Variants in SLC35F3 observed in about 807,000 individuals in gnomAD.
SLC35F3 encodes the protein putative thiamine transporter SLC35F3.
A neutral mutation model predicts 49.9 loss-of-function variants in SLC35F3; 25 were observed. That is an observed-to-expected ratio of 0.50 (90% CI 0.37 to 0.70). The LOEUF is 0.70. Among genes scored for constraint, SLC35F3 ranks in the 30% least tolerant of loss-of-function variants. The pLI is 0.00. For missense variants in SLC35F3, 525 were observed against 639.8 expected (o/e 0.82, Z 1.94); for synonymous variants, 275 against 265.4 (o/e 1.04, Z -0.35).
chr1:233,954,904 T>G (rs7414168), intron 2 of SLC35F3, among the ~76,000 whole-genome samples: 1 of 152,056 alleles, frequency 6.6e-6, no homozygotes, highest in Non-Finnish European at 1.5e-5. Flanking sequence ...AGTGCAATGG[T>G]GCGATCTTGG....
At position 234,012,838 on chromosome 1, in the gene SLC35F3, G is replaced by A. The variant is rs1433525369; in HGVS notation, c.283+107080G>A. Among the ~76,000 whole-genome samples the A allele has an allele frequency of 5.3e-5, 8 of 152,180 alleles. No individual in the cohort carries two copies. In the East Asian group the frequency reaches 1.5e-3, roughly 29 times the overall value. On this transcript the variant is annotated intron_variant, in intron 2 of 7. Coordinates refer to ENST00000366618, the MANE Select transcript of SLC35F3 (RefSeq NM_173508.4). The stretch of plus-strand genomic sequence containing the variant: ...CCCTACAAGCACCTAAATATACAAA[G>A]CAAATATTAAAGGATCTGAAGGAAG...
chr1:234,084,210 A>T (rs1325715776), intron 2 of SLC35F3, among the ~76,000 whole-genome samples: 1 of 136,526 alleles, frequency 7.3e-6, no homozygotes, highest in Non-Finnish European at 1.5e-5. Flanking sequence ...ACTGTTGGTG[A>T]TAAGGAATAG....
chr1:234,093,529 T>C (rs1665074932), intron 2 of SLC35F3, among the ~76,000 whole-genome samples: 1 of 152,206 alleles, frequency 6.6e-6, no homozygotes, highest in Non-Finnish European at 1.5e-5. Context: ...TTTCTTCCTA[T>C]AGGTTTTCTC....
chr1:234,227,120 T>A (rs967315010), intron 2 of SLC35F3, among the ~76,000 whole-genome samples: 1 of 152,166 alleles, frequency 6.6e-6, no homozygotes, highest in Non-Finnish European at 1.5e-5. Flanking sequence ...AATCCACAAT[T>A]ACAGCGTCTG....
At chr1:233,982,110 A>G (rs1412197445) in intron 2 of SLC35F3, among the ~76,000 whole-genome samples, 1 of 152,132 alleles carries the variant, frequency 6.6e-6, no homozygotes, top group Non-Finnish European at 1.5e-5. Context: ...TTTTTAGTAG[A>G]GATGGGGTTT....
intron 3 of SLC35F3, among the ~76,000 whole-genome samples, chr1:234,275,649 CAG>C (rs1285027000): frequency 1.3e-5 from 2 of 151,544 alleles, no homozygotes; most frequent in Non-Finnish European, 2.9e-5. Flanking sequence ...TATCCTGAAA[CAG>C]ACACACATCA....
In SLC35F3 at chr1:234,182,176, G is replaced by A. The variant is rs895982582; in HGVS notation, c.284-49241G>A. 2.0e-5 allele frequency among the ~76,000 whole-genome samples: 3 copies of A among 152,114 alleles called. No homozygotes were observed. In the East Asian group the frequency reaches 5.8e-4, roughly 29 times the overall value. On this transcript the variant is annotated intron_variant, in intron 2 of 7. Coordinates refer to ENST00000366618, the MANE Select transcript of SLC35F3 (RefSeq NM_173508.4). Reference sequence around the variant, plus strand: ...TCAGGGATTCATGCATGTTCTGTGTGTTCAAGTCCATTACAGTTATTATCC... The same window carrying A: ...TCAGGGATTCATGCATGTTCTGTGTATTCAAGTCCATTACAGTTATTATCC...
At chr1:234,082,982 A>T (rs1162331990) in intron 2 of SLC35F3, among the ~76,000 whole-genome samples, 1 of 152,156 alleles carries the variant, frequency 6.6e-6, no homozygotes, top group African/African-American at 2.4e-5. Flanking sequence ...TTGCTTCCTA[A>T]CTGTGAGCTA....
At chr1:234,186,386 G>A (rs1666643976) in intron 2 of SLC35F3, among the ~76,000 whole-genome samples, 1 of 152,232 alleles carries the variant, frequency 6.6e-6, no homozygotes, top group African/African-American at 2.4e-5. Context: ...AGATTCAGCG[G>A]AAGGACTGAT....
chr1:233,925,030 G>T (rs1407736116), intron 2 of SLC35F3, among the ~76,000 whole-genome samples: 5 of 152,160 alleles, frequency 3.3e-5, no homozygotes, highest in Non-Finnish European at 5.9e-5. Context: ...TTTTACATTT[G>T]CTGAGGAGTG....
At chr1:233,964,308 G>A (rs934115091) in intron 2 of SLC35F3, among the ~76,000 whole-genome samples, 4 of 152,184 alleles carry the variant, frequency 2.6e-5, no homozygotes, top group Non-Finnish European at 5.9e-5. Context: ...ACAGCCATAC[G>A]TAGAACCTGC....
chr1:234,160,461 C>G (rs1309648592), intron 2 of SLC35F3, among the ~76,000 whole-genome samples: 1 of 152,200 alleles, frequency 6.6e-6, no homozygotes, highest in African/African-American at 2.4e-5. Flanking sequence ...GGCTCCACCT[C>G]TGTCCAGGGA....
At chr1:234,276,049 T>C (rs975917981) in intron 3 of SLC35F3, among the ~76,000 whole-genome samples, 2 of 152,128 alleles carry the variant, frequency 1.3e-5, no homozygotes, top group African/African-American at 4.8e-5. Context: ...CTCTTCATCA[T>C]ATATGAGGCA....
intron 2 of SLC35F3, among the ~76,000 whole-genome samples, chr1:233,935,866 T>C (rs74864597): frequency 0.024 from 3,615 of 152,328 alleles, 87 homozygotes; most frequent in African/African-American, 0.056. Flanking sequence ...TTGGTATGGA[T>C]GCCTCCTTTT....
intron 3 of SLC35F3, among the ~76,000 whole-genome samples, chr1:234,262,762 C>A (rs1486410266): frequency 1.3e-5 from 2 of 152,144 alleles, no homozygotes; most frequent in African/African-American, 4.8e-5. Flanking sequence ...GTGGTGAGAC[C>A]CTCTGCACCA....
chr1:234,312,825 G>A (rs1409229678), intron 4 of SLC35F3, among the ~76,000 whole-genome samples: 5 of 151,928 alleles, frequency 3.3e-5, no homozygotes, highest in South Asian at 2.1e-4. Flanking sequence ...CAGGCACCCC[G>A]CCACGTTTTG....
At position 234,195,602 on chromosome 1, in the gene SLC35F3, G is replaced by A. The variant is rs138580480; in HGVS notation, c.284-35815G>A. Reference sequence around the variant, plus strand: ...ATTAGCTTATCTTCCTTTAGGTTTCGGTCCAATTTTACTTTCTCTAGAGAC... The same window carrying A: ...ATTAGCTTATCTTCCTTTAGGTTTCAGTCCAATTTTACTTTCTCTAGAGAC... On this transcript the variant is annotated intron_variant, in intron 2 of 7. Transcript: ENST00000366618. Among the ~76,000 whole-genome samples the A allele has an allele frequency of 6.1e-3, 923 of 152,044 alleles. 7 individuals carry two copies. Among genetic ancestry groups the A allele is most frequent in the South Asian group, 0.031 (147 of 4,804 alleles).
chr1:233,947,770 G>A (rs555864404), intron 2 of SLC35F3, among the ~76,000 whole-genome samples: 157 of 147,762 alleles, frequency 1.1e-3, no homozygotes, highest in African/African-American at 3.7e-3. Flanking sequence ...GAGAGAGAGA[G>A]AAGAGAGAGG....
At chr1:234,044,838 A>T (rs1329322685) in intron 2 of SLC35F3, among the ~76,000 whole-genome samples, 1 of 151,952 alleles carries the variant, frequency 6.6e-6, no homozygotes, top group Non-Finnish European at 1.5e-5. Context: ...TATGGGTGGT[A>T]GTTATCATAT....
Sources: allele counts gnomAD v4.1 joint callset (sites outside exome capture counted in the v4.1 genomes callset), GRCh38; gene constraint gnomAD v4.1.1; transcripts MANE v1.5; gene names NCBI Gene and HGNC (gene_info 2026-07-23, HGNC 2026-07-21).